The following SCRG1 variants were observed in gnomAD, a reference collection of about 807,000 sequenced individuals.
SCRG1 encodes scrapie-responsive protein 1.
In SCRG1, 3 loss-of-function variants were observed where a neutral mutation model predicts 7.7. The ratio of observed to expected loss-of-function variants is 0.39; its 90% CI spans 0.18 to 1.01. The LOEUF (loss-of-function observed/expected upper bound fraction) is 1.01. Among genes scored for constraint, SCRG1 ranks in the 50% least tolerant of loss-of-function variants. The pLI is 0.36. For synonymous variants in SCRG1, 46 were observed against 41.2 expected, an observed-to-expected ratio of 1.12 and a Z score of -0.44; for missense variants, 110 against 117.2, an observed-to-expected ratio of 0.94 and a Z score of 0.28.
chr4:173,393,405 A>T (rs1170139997), intron 1 of SCRG1, among the ~76,000 whole-genome samples: 3 of 152,156 alleles, frequency 2.0e-5, no homozygotes, highest in African/African-American at 2.4e-5. Flanking sequence ...CTAAAATGAG[A>T]TCTACCTCAT....
intron 2 of SCRG1, among the ~76,000 whole-genome samples, chr4:173,390,290 A>G (rs957126973): frequency 6.6e-6 from 1 of 152,206 alleles, no homozygotes; most frequent in African/African-American, 2.4e-5. Context: ...AGATAAATCA[A>G]TAAATATTTA....
At chr4:173,499,991 T>C in the SCRG1 span, among the ~76,000 whole-genome samples, 1 of 152,228 alleles carries the variant, frequency 6.6e-6, no homozygotes, top group Non-Finnish European at 1.5e-5. This position sits in a 1 kb window ranked among gnomAD's most constrained non-coding sequence, Gnocchi z 4.1. Context: ...ATTAAAACAA[T>C]GAGACGTAAC....
At chr4:173,394,447 A>G (rs1333054150) in intron 1 of SCRG1, among the ~76,000 whole-genome samples, 1 of 152,122 alleles carries the variant, frequency 6.6e-6, no homozygotes, top group Non-Finnish European at 1.5e-5. Context: ...GATCGAGACC[A>G]TCCTGGCTAA....
At chr4:173,483,504 C>CTGATATATAATATATTATATATTATATTA in the SCRG1 span, among the ~76,000 whole-genome samples, 2 of 22,506 alleles carry the variant, frequency 8.9e-5, no homozygotes, top group African/African-American at 1.8e-4. Context: ...ATATTATATT[C>CTGATATATAATATATTATATATTATATTA]TGATATATAA....
chr4:173,443,062 G>A, the SCRG1 span, among the ~76,000 whole-genome samples: 2 of 152,150 alleles, frequency 1.3e-5, no homozygotes, highest in African/African-American at 4.8e-5. Flanking sequence ...TAGTTTTGAG[G>A]ATAACAAGTA....
chr4:173,464,763 G>A, the SCRG1 span, among the ~76,000 whole-genome samples: 438 of 152,274 alleles, frequency 2.9e-3, no homozygotes, highest in African/African-American at 0.01. Context: ...AGAATTTAAA[G>A]GAGAGACTTG....
the SCRG1 span, among the ~76,000 whole-genome samples, chr4:173,511,951 G>A: frequency 2.6e-5 from 4 of 152,120 alleles, no homozygotes; most frequent in Admixed American, 1.3e-4. The surrounding 1 kb of genome is among the most constrained non-coding windows in gnomAD (Gnocchi z 5.2). Flanking sequence ...TCCTGAATAC[G>A]GTGCTGTCCA....
At chr4:173,424,937 A>G in the SCRG1 span, among the ~76,000 whole-genome samples, 669 of 152,248 alleles carry the variant, frequency 4.4e-3, 7 homozygotes, top group African/African-American at 0.015. Flanking sequence ...ACAAAACAAA[A>G]TAAATGTGTG....
chr4:173,446,406 G>A, the SCRG1 span, among the ~76,000 whole-genome samples: 1 of 150,316 alleles, frequency 6.7e-6, no homozygotes, highest in East Asian at 2.0e-4. Flanking sequence ...CACTCACGGG[G>A]GGAAAAGCCA....
At chr4:173,515,635 G>T in the SCRG1 span, among the ~76,000 whole-genome samples, 2 of 152,110 alleles carry the variant, frequency 1.3e-5, no homozygotes, top group Non-Finnish European at 2.9e-5. The surrounding 1 kb of genome is among the most constrained non-coding windows in gnomAD (Gnocchi z 4.6). Context: ...GAGCAGGTAT[G>T]GAGGTCAGGC....
At chr4:173,419,487 C>T in the SCRG1 span, 15 of 803,448 alleles carry the variant, frequency 1.9e-5, no homozygotes, top group Non-Finnish European at 2.7e-5. Context: ...TTTTTGGAAG[C>T]ATTTTCATCT....
At chr4:173,502,480 A>C in the SCRG1 span, among the ~76,000 whole-genome samples, 14 of 152,202 alleles carry the variant, frequency 9.2e-5, no homozygotes, top group Admixed American at 4.6e-4. This position sits in a 1 kb window ranked among gnomAD's most constrained non-coding sequence, Gnocchi z 4.6. Flanking sequence ...AATAAAGTTC[A>C]TGTGACGGAG....
chr4:173,472,233 T>A, the SCRG1 span, among the ~76,000 whole-genome samples: 205 of 152,346 alleles, frequency 1.3e-3, no homozygotes, highest in Middle Eastern at 0.02. Context: ...TGTGTTTACA[T>A]GTAGTCTACC....
the SCRG1 span, among the ~76,000 whole-genome samples, chr4:173,417,712 C>T: frequency 6.6e-6 from 1 of 151,914 alleles, no homozygotes; most frequent in Non-Finnish European, 1.5e-5. Flanking sequence ...CTCACTGCAG[C>T]CTTGAACTCC....
the SCRG1 span, among the ~76,000 whole-genome samples, chr4:173,433,120 A>G: frequency 6.6e-6 from 1 of 152,234 alleles, no homozygotes; most frequent in African/African-American, 2.4e-5. Context: ...TCCTAGCTTT[A>G]GAAGCAAACC....
chr4:173,477,702 T>C, the SCRG1 span, among the ~76,000 whole-genome samples: 1 of 150,504 alleles, frequency 6.6e-6, no homozygotes, highest in Non-Finnish European at 1.5e-5. Flanking sequence ...TTTTCTTTTT[T>C]TTCCCTTCCT....
the SCRG1 span, among the ~76,000 whole-genome samples, chr4:173,465,230 G>T: frequency 6.6e-6 from 1 of 152,146 alleles, no homozygotes; most frequent in African/African-American, 2.4e-5. Context: ...TAAAAATAGT[G>T]AAAATGGTAA....
the SCRG1 span, among the ~76,000 whole-genome samples, chr4:173,415,914 C>T: frequency 8.5e-5 from 13 of 152,154 alleles, no homozygotes; most frequent in Non-Finnish European, 1.3e-4. Context: ...AAAGCACCAC[C>T]AATAAAATCA....
chr4:173,483,738 T>G, the SCRG1 span, among the ~76,000 whole-genome samples: 1 of 40,044 alleles, frequency 2.5e-5, no homozygotes, highest in Non-Finnish European at 4.4e-5. Flanking sequence ...ATCATATATA[T>G]GATATATTAT....
Sources: gnomAD v4.1 joint callset for allele counts (sites outside exome capture counted in the v4.1 genomes callset) on GRCh38, gnomAD v4.1.1 for gene constraint, Gnocchi (gnomAD v3.1) non-coding constraint, MANE v1.5 for transcripts, NCBI Gene and HGNC (gene_info 2026-07-23, HGNC 2026-07-21) for gene names.